SBNO1: variants seen among roughly 807,000 people sequenced by gnomAD.
The protein encoded by SBNO1 is protein strawberry notch homolog 1.
Under a neutral mutation model 173.6 loss-of-function variants are expected in SBNO1, and 23 were observed. That is an observed-to-expected ratio of 0.13 (90% CI 0.10 to 0.19). The LOEUF is 0.19. Ranked by LOEUF, SBNO1 falls within the 10% of genes least tolerant of loss-of-function variation. SBNO1 has a pLI of 1.00. For missense variants in SBNO1, 1,238 were observed against 1,671.2 expected, an observed-to-expected ratio of 0.74 and a Z score of 4.52; for synonymous variants, 632 against 571.5, an observed-to-expected ratio of 1.11 and a Z score of -1.51.
Position 123,311,106 on chromosome 12 carries a change from C to T in SBNO1, c.3244G>A (p.Val1082Ile), listed in dbSNP as rs1209038391. The T allele has an allele frequency of 3.7e-6, 6 of 1,613,348 alleles. No individual in the cohort carries two copies. Among genetic ancestry groups the T allele is most frequent in the African/African-American group, 1.3e-5 (1 of 74,922 alleles). ...FKDVRQGLIGVGLINVEDRSG... is the reference protein window; with the variant it reads ...FKDVRQGLIGIGLINVEDRSG... ...CGATCTTCTACATTTATCAGGCCAA[C>T]GCCTATCAGTCCTTGTCGAACATCT... is the stretch of plus-strand genomic sequence containing the variant. Residue 1082 changes from valine (V) to isoleucine (I), a missense_variant, in exon 25 of 32, where the codon GTT (valine) becomes ATT (isoleucine). Physicochemically the swap from Val to Ile is conservative, Grantham distance 29 (BLOSUM62 3). Coordinates refer to ENST00000602398, the MANE Select transcript of SBNO1 (RefSeq NM_001167856.3).
chr12:123,359,071 T>C (rs1040438005), intron 1 of SBNO1, among the ~76,000 whole-genome samples: 1 of 151,762 alleles, frequency 6.6e-6, no homozygotes, highest in African/African-American at 2.4e-5. Flanking sequence ...TAGCTGGGAT[T>C]ATAGGCGCCC....
rs990825898 is a variant in SBNO1 at position 123,292,818 on chromosome 12, A to C, written c.*3090T>G. ...TCTAACTGTAATTTAGCAGCAGAAAAAGAAAACTGCTTAACATATTTGCTT... is the reference window on the plus strand; with the variant it reads ...TCTAACTGTAATTTAGCAGCAGAAACAGAAAACTGCTTAACATATTTGCTT... On this transcript the variant is annotated 3_prime_UTR_variant, in exon 32 of 32. Coordinates refer to ENST00000602398, the MANE Select transcript of SBNO1 (RefSeq NM_001167856.3). 4.6e-5 allele frequency: 7 copies of C among 152,232 alleles called. No individual in the cohort carries two copies. Among genetic ancestry groups the C allele is most frequent in the African/African-American group, 1.4e-4 (6 of 41,468 alleles). 9.4% of individuals were successfully genotyped at this position (152,232 alleles called of 1,614,324 possible). A position where few individuals can be genotyped will look rare whatever the true frequency, so the allele number is the denominator to read the frequency against.
At chr12:123,363,847 G>A (rs1875710479) in intron 1 of SBNO1, 2 of 985,272 alleles carry the variant, frequency 2.0e-6, no homozygotes, top group Non-Finnish European at 1.2e-6. Context: ...GGTGGGAAGG[G>A]GAGGAGCTGG....
chr12:123,308,995 G>A (rs1480184393), intron 28 of SBNO1, among the ~76,000 whole-genome samples: 2 of 152,016 alleles, frequency 1.3e-5, no homozygotes, highest in Non-Finnish European at 1.5e-5. Context: ...TCAGCTACTC[G>A]GGAGGCAGAG....
chr12:123,296,542 C>CAT (rs1436315827), intron 31 of SBNO1, among the ~76,000 whole-genome samples: 13 of 148,884 alleles, frequency 8.7e-5, no homozygotes, highest in South Asian at 6.4e-4. Flanking sequence ...AAATTGCATG[C>CAT]ATATATATAT....
At chr12:123,302,575 C>T (rs1364751602) in intron 30 of SBNO1, among the ~76,000 whole-genome samples, 1 of 152,112 alleles carries the variant, frequency 6.6e-6, no homozygotes, top group African/African-American at 2.4e-5. Flanking sequence ...TGAAGGATAA[C>T]TGTTAAGGTC....
chr12:123,299,705 A>C (rs1292422279), intron 30 of SBNO1, among the ~76,000 whole-genome samples: 2 of 150,720 alleles, frequency 1.3e-5, no homozygotes, highest in Non-Finnish European at 3.0e-5. Context: ...AAAAACAAAA[A>C]AGCCAAGTGT....
intron 28 of SBNO1, 59 bp downstream of exon 28, chr12:123,309,251 C>A: frequency 8.1e-7 from 1 of 1,234,432 alleles, no homozygotes; most frequent in Non-Finnish European, 1.2e-6. Context: ...GAGACAATTA[C>A]AATGCTGGCC....
Position 123,317,368 on chromosome 12 carries a change from A to G in SBNO1, c.2800-12T>C, listed in dbSNP as rs1335260178. The G allele has an allele frequency of 1.5e-5, 25 of 1,613,350 alleles. No individual in the cohort carries two copies. Among genetic ancestry groups the G allele is most frequent in the Middle Eastern group, 1.6e-4 (1 of 6,062 alleles). ...ATGATAGCAATATTCTGTGTCAAAT[A>G]TAAGAAAAATAAAGTCACTTTTGCA... On this transcript the variant is annotated splice_polypyrimidine_tract_variant and intron_variant, in intron 20 of 31. Coordinates refer to ENST00000602398, the MANE Select transcript of SBNO1 (RefSeq NM_001167856.3).
At chr12:123,303,060 C>G (rs1407531223) in intron 29 of SBNO1, among the ~76,000 whole-genome samples, 160 bp from the exon 30 acceptor site, 2 of 152,210 alleles carry the variant, frequency 1.3e-5, no homozygotes, top group Admixed American at 1.3e-4. Flanking sequence ...TTGAAAAGCT[C>G]TGTCATGCTG....
At chr12:123,336,366 T>A in intron 6 of SBNO1, 29 bp downstream of exon 6, 1 of 1,335,142 alleles carries the variant, frequency 7.5e-7, no homozygotes, top group South Asian at 1.3e-5. Flanking sequence ...AACTTTGATG[T>A]AAATATCTGA....
Position 123,327,953 on chromosome 12 carries a change from T to C in SBNO1, c.1371A>G (p.Leu457=), listed in dbSNP as rs1265178332. 1.2e-6 allele frequency: 2 copies of C among 1,613,512 alleles called. No individual in the cohort carries two copies. The highest frequency in any genetic ancestry group is 1.7e-5 in the Admixed American group (1 of 60,010). ...VGSSKPTKTG[L]AVLELQNKLP... ...ATTTGTTCTGAAGCTCTAAAACTGC[T>C]AAGCCTGTCTTGGTTGGCTTTGAAG... Residue 457 remains leucine (L), a synonymous_variant, in exon 11 of 32, where the codon TTA becomes TTG. Coordinates refer to ENST00000602398, the MANE Select transcript of SBNO1 (RefSeq NM_001167856.3).
intron 5 of SBNO1, among the ~76,000 whole-genome samples, chr12:123,337,643 T>C (rs1872008585): frequency 6.6e-6 from 1 of 152,148 alleles, no homozygotes; most frequent in Admixed American, 6.5e-5. Flanking sequence ...TCAGAAATTA[T>C]GCTAAAATAA....
intron 1 of SBNO1, among the ~76,000 whole-genome samples, chr12:123,358,568 C>T (rs572385805): frequency 3.0e-4 from 46 of 151,564 alleles, no homozygotes; most frequent in Non-Finnish European, 5.9e-4. Flanking sequence ...AGTGAAACCC[C>T]GTCTCTACTA....
At chr12:123,310,361 G>A (rs892908728) in intron 25 of SBNO1, among the ~76,000 whole-genome samples, 2 of 151,922 alleles carry the variant, frequency 1.3e-5, no homozygotes, top group South Asian at 4.1e-4. Context: ...AGCCTCCTGA[G>A]TAGCTGGGAT....
intron 5 of SBNO1, among the ~76,000 whole-genome samples, chr12:123,339,801 C>A (rs1429758699): frequency 6.6e-6 from 1 of 151,908 alleles, no homozygotes; most frequent in African/African-American, 2.4e-5. Flanking sequence ...ACAACAACAA[C>A]AATAAAAACC....
At chr12:123,299,889 T>C (rs912473743) in intron 30 of SBNO1, among the ~76,000 whole-genome samples, 1 of 151,616 alleles carries the variant, frequency 6.6e-6, no homozygotes, top group Non-Finnish European at 1.5e-5. Flanking sequence ...GCAATACCTG[T>C]GAAAAGAAAA....
chr12:123,347,524 C>T (rs1458359049), intron 3 of SBNO1, among the ~76,000 whole-genome samples: 1 of 149,204 alleles, frequency 6.7e-6, no homozygotes, highest in Admixed American at 6.7e-5. Context: ...CTGTGCCTGG[C>T]CTCTTTTTTT....
chr12:123,332,266 C>T (rs1455521036), intron 7 of SBNO1, among the ~76,000 whole-genome samples: 1 of 152,180 alleles, frequency 6.6e-6, no homozygotes, highest in Non-Finnish European at 1.5e-5. Context: ...TCAACACCTG[C>T]AGAATCAAAC....
Sources: gnomAD v4.1 joint callset for allele counts (sites outside exome capture counted in the v4.1 genomes callset) on GRCh38, gnomAD v4.1.1 for gene constraint, MANE v1.5 for transcripts, NCBI Gene and HGNC (gene_info 2026-07-23, HGNC 2026-07-21) for gene names.